Variants in ALG14 observed in about 807,000 individuals in gnomAD.
ALG14 encodes ALG14 UDP-N-acetylglucosaminyltransferase subunit, also known as UDP-N-acetylglucosamine transferase subunit ALG14.
Under a neutral mutation model 22.8 loss-of-function variants are expected in ALG14, and 17 were observed. The observed-to-expected ratio is 0.75, with a 90% CI of 0.51 to 1.12. The LOEUF (loss-of-function observed/expected upper bound fraction) is 1.12, where lower values mean the gene tolerates loss of function less well. Among genes scored for constraint, ALG14 ranks in the 50% most tolerant of loss-of-function variants. ALG14 has a pLI of 0.00. For missense variants in ALG14, 288 were observed against 271.8 expected, an observed-to-expected ratio of 1.06 and a Z score of -0.42; for synonymous variants, 89 against 103.7, an observed-to-expected ratio of 0.86 and a Z score of 0.86.
rs984866761 is a variant in ALG14, at chr1:94,977,126, A to G, written c.*5950T>C. On this transcript the variant is annotated 3_prime_UTR_variant, in exon 4 of 4. Coordinates refer to ENST00000370205, the MANE Select transcript of ALG14 (RefSeq NM_144988.4). ...AGAGATAATGTATTGTTTTAAGCCA[A>G]TATATGTGTGGCAATTTTTTACACA... 2 of 152,214 alleles carry G rather than the reference A, an allele frequency of 1.3e-5. No individual in the cohort carries two copies. The highest frequency in any genetic ancestry group is 2.4e-5 in the African/African-American group (1 of 41,462). 9.4% of individuals were successfully genotyped at this position (152,214 alleles called of 1,614,324 possible).
At chr1:95,057,055 C>CAAAAAAA (rs199574536) in intron 2 of ALG14, among the ~76,000 whole-genome samples, 1 of 100,676 alleles carries the variant, frequency 9.9e-6, no homozygotes, top group Non-Finnish European at 1.9e-5. Flanking sequence ...GATTCTGGCT[C>CAAAAAAA]AAAAAAAAAA....
intron 3 of ALG14, among the ~76,000 whole-genome samples, chr1:95,018,212 CAGG>C (rs1324490663): frequency 1.4e-4 from 22 of 152,034 alleles, no homozygotes; most frequent in Non-Finnish European, 2.8e-4. Flanking sequence ...AGCAAATATT[CAGG>C]ATGAATTCTC....
chr1:95,036,234 C>G lies in ALG14; in HGVS notation c.289-8974G>C, dbSNP rs769307805. On this transcript the variant is annotated intron_variant, in intron 2 of 3. Coordinates refer to ENST00000370205, the MANE Select transcript of ALG14 (RefSeq NM_144988.4). ...AAGGACCAAGTGGAGATAATTGAAT[C>G]ATGGGGGCAGTTCCCCTGTGATAGT... Among the ~76,000 whole-genome samples, 6 of 151,986 alleles carry G rather than the reference C, an allele frequency of 3.9e-5. No homozygotes were observed. The East Asian group carries it at 1.2e-3, about 30-fold the overall frequency.
At chr1:95,028,430 C>T (rs1445149599) in intron 2 of ALG14, among the ~76,000 whole-genome samples, 2 of 152,194 alleles carry the variant, frequency 1.3e-5, no homozygotes, top group South Asian at 4.1e-4. Flanking sequence ...AACTTCTGGG[C>T]TCAAGTGATC....
intron 3 of ALG14, among the ~76,000 whole-genome samples, chr1:95,016,716 A>G (rs1673503457): frequency 6.6e-6 from 1 of 152,084 alleles, no homozygotes; most frequent in African/African-American, 2.4e-5. Context: ...GTCCCCAAGA[A>G]CATCTATTAG....
chr1:95,011,418 A>ATTTC (rs556599742), intron 3 of ALG14, among the ~76,000 whole-genome samples: 11 of 151,612 alleles, frequency 7.3e-5, no homozygotes, highest in Non-Finnish European at 1.5e-4. Flanking sequence ...TGAGAAATAA[A>ATTTC]TTTCTTTCTT....
intron 2 of ALG14, among the ~76,000 whole-genome samples, chr1:95,049,818 C>A (rs7543156): frequency 0.23 from 35,476 of 151,508 alleles, 4,568 homozygotes; most frequent in African/African-American, 0.34. Context: ...CTGCAGTGAG[C>A]CATGATTGAG....
intron 2 of ALG14, among the ~76,000 whole-genome samples, chr1:95,058,284 GA>G (rs56748968): frequency 0.052 from 1,061 of 20,478 alleles, 3 homozygotes; most frequent in African/African-American, 0.11. Context: ...GACTCCATCT[GA>G]AAAAAAAAAA....
intron 3 of ALG14, among the ~76,000 whole-genome samples, chr1:95,006,627 C>T (rs1673228561): frequency 6.6e-6 from 1 of 152,190 alleles, no homozygotes; most frequent in Non-Finnish European, 1.5e-5. Context: ...GGGCTTAGTA[C>T]CCACCTTAGA....
intron 3 of ALG14, among the ~76,000 whole-genome samples, chr1:94,993,623 CA>C (rs1419573683): frequency 6.6e-6 from 1 of 152,038 alleles, no homozygotes; most frequent in Non-Finnish European, 1.5e-5. Context: ...AGACCATGGC[CA>C]AATGGCCTTG....
chr1:95,060,056 C>G (rs1264520023), intron 2 of ALG14, among the ~76,000 whole-genome samples: 2 of 151,712 alleles, frequency 1.3e-5, no homozygotes, highest in African/African-American at 2.4e-5. Context: ...CTTAGTAAGG[C>G]TTGGCAGGAA....
rs1450902904 is a variant in ALG14 at position 95,065,001 on chromosome 1, C to G, written c.153G>C (p.Glu51Asp). The G allele has an allele frequency of 1.9e-6, 3 of 1,613,004 alleles. No homozygotes were observed. The highest frequency in any genetic ancestry group is 2.5e-6 in the Non-Finnish European group (3 of 1,179,436). Residue 51 changes from glutamate to aspartate, a missense_variant, in exon 2 of 4, where the codon GAG becomes GAC. Transcript: ENST00000370205. ...ACAAGCTCCCAAGCAGCCTCAGGAT[C>G]TCAGTGGTATGCCCACCTGGAAAAA... ...VVAGSGGHTT[E>D]ILRLLGSLSN...
In ALG14 at chr1:95,039,551, C is replaced by T. The variant is rs11165289; in HGVS notation, c.289-12291G>A. Among the ~76,000 whole-genome samples the T allele has an allele frequency of 0.015, 2,252 of 152,126 alleles. 144 individuals are homozygous for T. In the East Asian group the frequency reaches 0.18, roughly 12 times the overall value. ...TGACCTGGGGAGCAAATAGCAAGAG[C>T]GGAAACAGGCTGACAGCACATCATG... On this transcript the variant is annotated intron_variant, in intron 2 of 3. Coordinates refer to ENST00000370205, the MANE Select transcript of ALG14 (RefSeq NM_144988.4).
chr1:95,004,737 G>A (rs749929076), intron 3 of ALG14, among the ~76,000 whole-genome samples: 27 of 151,612 alleles, frequency 1.8e-4, no homozygotes, highest in Non-Finnish European at 1.5e-4. Flanking sequence ...TCCTGACCTC[G>A]TGATCTACCT....
rs1243974494 is a variant in ALG14 at position 94,978,065 on chromosome 1, TTTC to T, written c.*5008_*5010del. On this transcript the variant is annotated 3_prime_UTR_variant, in exon 4 of 4. Coordinates refer to ENST00000370205, the MANE Select transcript of ALG14 (RefSeq NM_144988.4). ...TAGACAAGTCTGAAGCTATAATTTT[TTTC>T]TTTTTTTTTTTTTGAGGTGGAGTCT... is the stretch of plus-strand genomic sequence containing the variant. The T allele has an allele frequency of 6.6e-6, 1 of 151,746 alleles. No individual in the cohort carries two copies. The highest frequency in any genetic ancestry group is 1.5e-5 in the Non-Finnish European group (1 of 67,956). 9.4% of individuals were successfully genotyped at this position (151,746 alleles called of 1,614,324 possible). A position where few individuals can be genotyped will look rare whatever the true frequency, so the allele number is the denominator to read the frequency against.
chr1:95,065,926 T>A (rs1278753236), intron 1 of ALG14, among the ~76,000 whole-genome samples: 1 of 152,188 alleles, frequency 6.6e-6, no homozygotes, highest in Admixed American at 6.5e-5. Context: ...CAATAGAATA[T>A]CTACCTATCT....
At chr1:95,047,126 T>G (rs996992163) in intron 2 of ALG14, among the ~76,000 whole-genome samples, 3 of 152,220 alleles carry the variant, frequency 2.0e-5, no homozygotes, top group African/African-American at 7.2e-5. Context: ...GGATGTGATT[T>G]ATAAACTAGC....
At chr1:94,999,459 G>T (rs887456229) in intron 3 of ALG14, among the ~76,000 whole-genome samples, 1 of 148,904 alleles carries the variant, frequency 6.7e-6, no homozygotes. Flanking sequence ...ATTCTTGAAA[G>T]CATGCAGCCC....
chr1:95,002,041 G>C (rs1401307318), intron 3 of ALG14, among the ~76,000 whole-genome samples: 2 of 152,140 alleles, frequency 1.3e-5, no homozygotes, highest in East Asian at 3.9e-4. Context: ...CTATTTCCAG[G>C]CTTAAATTCA....
Sources: gnomAD v4.1 joint callset for allele counts (sites outside exome capture counted in the v4.1 genomes callset) on GRCh38, gnomAD v4.1.1 for gene constraint, MANE v1.5 for transcripts, NCBI Gene and HGNC (gene_info 2026-07-23, HGNC 2026-07-21) for gene names.